Variants in ZCCHC7 observed in about 807,000 individuals in gnomAD.
The protein encoded by ZCCHC7 is zinc finger CCHC domain-containing protein 7.
Under a neutral mutation model 52.0 loss-of-function variants are expected in ZCCHC7, and 35 were observed. That is an observed-to-expected ratio of 0.67 (90% CI 0.51 to 0.89). The LOEUF (loss-of-function observed/expected upper bound fraction) is 0.89, where lower values mean the gene tolerates loss of function less well. Among genes scored for constraint, ZCCHC7 ranks in the 40% least tolerant of loss-of-function variants. The probability of loss-of-function intolerance (pLI) is 0.00; values close to 1 mark genes in which losing one functional copy is unlikely to be tolerated. For synonymous variants in ZCCHC7, 217 were observed against 221.5 expected, an observed-to-expected ratio of 0.98 and a Z score of 0.18; for missense variants, 574 against 649.1, an observed-to-expected ratio of 0.88 and a Z score of 1.26.
chr9:37,121,099 TTCCTC>T (rs72292115), intron 1 of ZCCHC7, among the ~76,000 whole-genome samples: 1,811 of 152,298 alleles, frequency 0.012, 38 homozygotes, highest in East Asian at 0.073. Context: ...CTGTGACCCT[TTCCTC>T]ATGTAAAACG....
At chr9:37,242,246 T>A (rs956332699) in intron 2 of ZCCHC7, among the ~76,000 whole-genome samples, 2 of 151,858 alleles carry the variant, frequency 1.3e-5, no homozygotes, top group African/African-American at 4.8e-5. Flanking sequence ...CGTTAAAATT[T>A]CCAAACTAAT....
intron 2 of ZCCHC7, among the ~76,000 whole-genome samples, chr9:37,272,832 T>C (rs1363072026): frequency 2.0e-5 from 3 of 152,266 alleles, no homozygotes; most frequent in African/African-American, 4.8e-5. Flanking sequence ...TATACTGATA[T>C]GTGTAGCTGT....
intron 2 of ZCCHC7, among the ~76,000 whole-genome samples, chr9:37,264,795 C>T (rs527672621): frequency 6.6e-5 from 10 of 152,260 alleles, no homozygotes; most frequent in African/African-American, 9.6e-5. Context: ...GCTGTTTTCT[C>T]TAGTCCTCTC....
intron 2 of ZCCHC7, among the ~76,000 whole-genome samples, chr9:37,291,602 A>T (rs907856416): frequency 1.8e-4 from 28 of 152,194 alleles, no homozygotes; most frequent in South Asian, 1.0e-3. Flanking sequence ...GAAATGAAAA[A>T]TTTTTTTTCA....
chr9:37,288,816 C>G (rs1041999196), intron 2 of ZCCHC7, among the ~76,000 whole-genome samples: 1 of 152,148 alleles, frequency 6.6e-6, no homozygotes, highest in African/African-American at 2.4e-5. Flanking sequence ...CTGGTTACTC[C>G]TAAATTCTTG....
At chr9:37,262,419 C>A (rs1013787153) in intron 2 of ZCCHC7, among the ~76,000 whole-genome samples, 2 of 152,128 alleles carry the variant, frequency 1.3e-5, no homozygotes, top group African/African-American at 4.8e-5. Context: ...AATAATTTTT[C>A]TTACTAGTTA....
intron 2 of ZCCHC7, among the ~76,000 whole-genome samples, chr9:37,128,769 A>G (rs753426889): frequency 3.3e-5 from 5 of 152,222 alleles, no homozygotes; most frequent in African/African-American, 4.8e-5. Context: ...GTCAAAATTA[A>G]AATGATGTGA....
chr9:37,309,802 A>AT (rs1829508001), intron 5 of ZCCHC7, among the ~76,000 whole-genome samples: 1 of 152,048 alleles, frequency 6.6e-6, no homozygotes, highest in African/African-American at 2.4e-5. Flanking sequence ...CACACCTGTA[A>AT]TTCCAACTAC....
intron 2 of ZCCHC7, among the ~76,000 whole-genome samples, chr9:37,238,383 A>G (rs1238309482): frequency 6.6e-6 from 1 of 152,138 alleles, no homozygotes; most frequent in East Asian, 1.9e-4. Flanking sequence ...TACACCTGCT[A>G]TGATATGTAA....
intron 2 of ZCCHC7, among the ~76,000 whole-genome samples, chr9:37,129,759 G>A (rs1842696289): frequency 6.6e-6 from 1 of 152,102 alleles, no homozygotes; most frequent in Admixed American, 6.5e-5. Context: ...AAGACTACAG[G>A]CTCCTTGAGG....
At chr9:37,305,444 C>G in intron 4 of ZCCHC7, 100 bp from the exon 5 acceptor site, 1 of 1,420,918 alleles carries the variant, frequency 7.0e-7, no homozygotes, top group South Asian at 1.3e-5. Flanking sequence ...ATTGGGATCT[C>G]AAATTAGAAA....
At chr9:37,298,385 A>G (rs1342520868) in intron 2 of ZCCHC7, among the ~76,000 whole-genome samples, 2 of 152,224 alleles carry the variant, frequency 1.3e-5, no homozygotes, top group African/African-American at 4.8e-5. Flanking sequence ...CTATATCAAT[A>G]TCATCACCAG....
At chr9:37,244,810 T>C (rs1227513198) in intron 2 of ZCCHC7, among the ~76,000 whole-genome samples, 1 of 151,938 alleles carries the variant, frequency 6.6e-6, no homozygotes, top group Non-Finnish European at 1.5e-5. Flanking sequence ...GTGTTGAATT[T>C]TTTTTTAAGT....
At chr9:37,280,526 G>A (rs1827903523) in intron 2 of ZCCHC7, among the ~76,000 whole-genome samples, 1 of 151,602 alleles carries the variant, frequency 6.6e-6, no homozygotes, top group Admixed American at 6.6e-5. Context: ...CTTAGACTTT[G>A]TTCTTTGATC....
intron 5 of ZCCHC7, among the ~76,000 whole-genome samples, chr9:37,307,079 C>A (rs912974498): frequency 1.3e-5 from 2 of 151,916 alleles, no homozygotes; most frequent in Non-Finnish European, 1.5e-5. Flanking sequence ...AGCCACCACA[C>A]CTGGCCTGAT....
rs1821598195 is a variant in ZCCHC7, at chr9:37,169,258, C to T, written c.610+42316C>T. Among the ~76,000 whole-genome samples the T allele has an allele frequency of 4.6e-5, 7 of 152,136 alleles. No homozygotes were observed. In the South Asian group the frequency reaches 1.2e-3, roughly 27 times the overall value. ...CCTCTTTTGAGATTTGATGTCAGTT[C>T]AAGGGAAGCATTCCATTGATGTCAG... is the stretch of plus-strand genomic sequence containing the variant. On this transcript the variant is annotated intron_variant, in intron 2 of 8. Transcript: ENST00000336755.
At chr9:37,130,408 G>A (rs1400929761) in intron 2 of ZCCHC7, among the ~76,000 whole-genome samples, 1 of 122,292 alleles carries the variant, frequency 8.2e-6, no homozygotes, top group Admixed American at 1.1e-4. Context: ...AGGCTAGTTT[G>A]GAACTCCTGG....
At chr9:37,139,140 T>C (rs1240510925) in intron 2 of ZCCHC7, among the ~76,000 whole-genome samples, 1 of 152,028 alleles carries the variant, frequency 6.6e-6, no homozygotes, top group Non-Finnish European at 1.5e-5. Context: ...TTAAGACTTA[T>C]TAATGAAGCA....
intron 2 of ZCCHC7, among the ~76,000 whole-genome samples, chr9:37,274,260 G>A (rs1164278327): frequency 6.7e-6 from 1 of 149,514 alleles, no homozygotes; most frequent in African/African-American, 2.5e-5. Context: ...TGAGATTAGA[G>A]CACATATATT....
Sources: gnomAD v4.1 joint callset for allele counts (sites outside exome capture counted in the v4.1 genomes callset) on GRCh38, gnomAD v4.1.1 for gene constraint, MANE v1.5 for transcripts, NCBI Gene and HGNC (gene_info 2026-07-23, HGNC 2026-07-21) for gene names.